The following UBOX5 variants were observed in gnomAD, a reference collection of about 807,000 sequenced individuals.
UBOX5 encodes U-box domain containing 5.
In UBOX5, 28 loss-of-function variants were observed where a neutral mutation model predicts 39.0. The observed-to-expected ratio is 0.72, with a 90% CI of 0.53 to 0.98. UBOX5 has a LOEUF of 0.98. Among genes scored for constraint, UBOX5 ranks in the 50% least tolerant of loss-of-function variants. The probability of loss-of-function intolerance (pLI) is 0.00; values close to 1 mark genes in which losing one functional copy is unlikely to be tolerated. For synonymous variants in UBOX5, 283 were observed against 275.5 expected, an observed-to-expected ratio of 1.03 and a Z score of -0.27; for missense variants, 585 against 674.4, an observed-to-expected ratio of 0.87 and a Z score of 1.47.
rs1432342516 is a variant in UBOX5 at position 3,109,111 on chromosome 20, A to T, written c.*995T>A. 2 of 151,988 alleles carry T rather than the reference A, an allele frequency of 1.3e-5. No homozygotes were observed. The highest frequency in any genetic ancestry group is 3.9e-4 in the East Asian group (2 of 5,186). The allele number at this position is 151,988 out of a possible 1,614,324, so 9.4% of individuals were successfully genotyped here. The stretch of plus-strand genomic sequence containing the variant: ...GCATCTTTAGGCTGTTCCTTCCCAA[A>T]CGTGCTTAGAAGGGAACAGGGAAAG... On this transcript the variant is annotated 3_prime_UTR_variant, in exon 5 of 5. Coordinates refer to ENST00000217173, the MANE Select transcript of UBOX5 (RefSeq NM_014948.4).
At position 3,110,081 on chromosome 20, in the gene UBOX5, G is replaced by T. The variant is rs2066241091; in HGVS notation, c.*25C>A. ...CCCCCTCAGCTCCTCCCAGCAATGG[G>T]TCTCCTCCAGTGGAGGTCAGTCACT... On this transcript the variant is annotated 3_prime_UTR_variant, in exon 5 of 5. Coordinates refer to ENST00000217173, the MANE Select transcript of UBOX5 (RefSeq NM_014948.4). 6.2e-7 allele frequency: 1 copy of T among 1,607,818 alleles called. No individual in the cohort carries two copies. Among genetic ancestry groups the T allele is most frequent in the Non-Finnish European group, 8.5e-7 (1 of 1,179,790 alleles).
chr20:3,139,329 G>C (rs1372640340), intron 1 of UBOX5, among the ~76,000 whole-genome samples: 1 of 151,870 alleles, frequency 6.6e-6, no homozygotes, highest in African/African-American at 2.4e-5. Context: ...ACCCTCTAAG[G>C]GCTTAACATG....
chr20:3,117,628 G>A (rs2066303272), intron 3 of UBOX5, among the ~76,000 whole-genome samples: 1 of 152,182 alleles, frequency 6.6e-6, no homozygotes, highest in Non-Finnish European at 1.5e-5. Context: ...AGGTTGCAGT[G>A]AGCCAAGATC....
In UBOX5 at chr20:3,121,397, CAT is replaced by C. The variant is rs1413010595; in HGVS notation, c.1240_1241del (p.Met414GlyfsTer101). On this transcript the variant is annotated frameshift_variant, in exon 3 of 5. Transcript: ENST00000217173. LOFTEE classifies it high-confidence loss of function. ...KATNEPSLTH[M>X]DCSTGPLSHE... ...ATGCTGAATTACCTGTCGAGCAGTC[CAT>C]ATGTGTCAGGCTGGGCTCATTGGTG... The C allele has an allele frequency of 6.2e-7, 1 of 1,612,006 alleles. No individual in the cohort carries two copies. The highest frequency in any genetic ancestry group is 2.2e-5 in the East Asian group (1 of 44,874).
intron 1 of UBOX5, among the ~76,000 whole-genome samples, chr20:3,139,331 C>A (rs1430709596): frequency 6.6e-6 from 1 of 152,172 alleles, no homozygotes; most frequent in East Asian, 1.9e-4. Context: ...CCTCTAAGGG[C>A]TTAACATGTG....
chr20:3,119,690 C>T (rs2066319630), intron 3 of UBOX5, among the ~76,000 whole-genome samples: 1 of 152,038 alleles, frequency 6.6e-6, no homozygotes, highest in African/African-American at 2.4e-5. Context: ...CCTGTCTTTA[C>T]TAAAAATACA....
At chr20:3,123,729 A>C (rs962170077) in intron 1 of UBOX5, among the ~76,000 whole-genome samples, 10 of 152,218 alleles carry the variant, frequency 6.6e-5, no homozygotes, top group Non-Finnish European at 8.8e-5. Flanking sequence ...GAGTGGCAAA[A>C]GTATCTGAGC....
At chr20:3,156,098 C>CAA (rs1384034034) in intron 1 of UBOX5, among the ~76,000 whole-genome samples, 1 of 151,440 alleles carries the variant, frequency 6.6e-6, no homozygotes, top group Non-Finnish European at 1.5e-5. Flanking sequence ...CCTCCTTACT[C>CAA]AAAGACTCTC....
intron 1 of UBOX5, among the ~76,000 whole-genome samples, chr20:3,134,058 A>T (rs2066450839): frequency 6.6e-6 from 1 of 151,770 alleles, no homozygotes; most frequent in Non-Finnish European, 1.5e-5. Flanking sequence ...TGCCCGGCTA[A>T]GGTAAGCTTT....
At chr20:3,148,133 A>T in intron 1 of UBOX5, 1 of 1,613,920 alleles carries the variant, frequency 6.2e-7, no homozygotes, top group Non-Finnish European at 8.5e-7. Context: ...CTCCAAATTG[A>T]TCAAATCTAT....
intron 1 of UBOX5, among the ~76,000 whole-genome samples, chr20:3,129,770 A>C (rs1456104608): frequency 6.6e-6 from 1 of 152,210 alleles, no homozygotes; most frequent in African/African-American, 2.4e-5. Context: ...GCAATTCAAT[A>C]TTTTATGGTA....
At chr20:3,129,289 G>A (rs189181648) in intron 1 of UBOX5, among the ~76,000 whole-genome samples, 173 of 152,228 alleles carry the variant, frequency 1.1e-3, no homozygotes, top group East Asian at 5.2e-3. Flanking sequence ...GGCACTCCTC[G>A]TGGCTGCTGC....
chr20:3,134,488 G>A (rs1367968063), intron 1 of UBOX5, among the ~76,000 whole-genome samples: 1 of 151,458 alleles, frequency 6.6e-6, no homozygotes, highest in East Asian at 1.9e-4. Flanking sequence ...AACCCGGGAG[G>A]TGGAGGTTGC....
At chr20:3,137,195 T>C (rs552197172) in intron 1 of UBOX5, among the ~76,000 whole-genome samples, 37 of 152,220 alleles carry the variant, frequency 2.4e-4, no homozygotes, top group Middle Eastern at 3.4e-3. Flanking sequence ...TCCACCTGCC[T>C]CGGCCTCCCA....
chr20:3,110,235 C>T lies in UBOX5; in HGVS notation c.1497G>A (p.Val499=). The T allele has an allele frequency of 1.2e-6, 2 of 1,614,124 alleles. No individual in the cohort carries two copies. Among genetic ancestry groups the T allele is most frequent in the Non-Finnish European group, 1.7e-6 (2 of 1,180,022 alleles). The change falls in exon 5 of 5, where the codon GTG becomes GTA. Residue 499 remains valine, a synonymous_variant. Coordinates refer to ENST00000217173, the MANE Select transcript of UBOX5 (RefSeq NM_014948.4). ...VFSPYFKKEP[V]YQLPCGHLLC... is the part of the protein sequence containing the mutation. ...GGAGGTGGCCGCAGGGCAGCTGGTACACCGGCTCCTTTTTGAAGTAGGGAG... is the reference window on the plus strand; with the variant it reads ...GGAGGTGGCCGCAGGGCAGCTGGTATACCGGCTCCTTTTTGAAGTAGGGAG...
chr20:3,147,961 G>A (rs369657211), intron 1 of UBOX5: 57 of 1,614,064 alleles, frequency 3.5e-5, no homozygotes, highest in Non-Finnish European at 4.7e-5. Context: ...TGAAATTGAT[G>A]TGATCCACGT....
At chr20:3,126,870 T>C (rs575323101) in intron 1 of UBOX5, among the ~76,000 whole-genome samples, 232 of 151,616 alleles carry the variant, frequency 1.5e-3, no homozygotes, top group African/African-American at 5.4e-3. Flanking sequence ...ACTCCATCTC[T>C]ACTAAAAATA....
At chr20:3,143,535 C>T (rs577543857) in intron 1 of UBOX5, among the ~76,000 whole-genome samples, 1 of 152,142 alleles carries the variant, frequency 6.6e-6, no homozygotes, top group Admixed American at 6.5e-5. Context: ...GTGGCTCACA[C>T]CTGTAATCCC....
intron 1 of UBOX5, chr20:3,147,140 C>A: frequency 6.2e-7 from 1 of 1,613,728 alleles, no homozygotes; most frequent in Non-Finnish European, 8.5e-7. Context: ...CTCAGTTTTG[C>A]CCTGGAAATG....
Sources: allele counts gnomAD v4.1 joint callset (sites outside exome capture counted in the v4.1 genomes callset), GRCh38; gene constraint gnomAD v4.1.1; transcripts MANE v1.5; gene names NCBI Gene and HGNC (gene_info 2026-07-23, HGNC 2026-07-21).